Variants in GLRA1 observed in about 807,000 individuals in gnomAD.
GLRA1 encodes glycine receptor alpha 1, also known as glycine receptor subunit alpha-1.
GLRA1 carries 37 observed loss-of-function variants against 48.3 expected under a neutral mutation model. That is an observed-to-expected ratio of 0.77 (90% CI 0.59 to 1.01). The LOEUF (loss-of-function observed/expected upper bound fraction) is 1.01. GLRA1 is among the 50% of genes least tolerant of loss of function. The pLI is 0.00. For synonymous variants in GLRA1, 196 were observed against 210.7 expected (o/e 0.93, Z 0.60); for missense variants, 427 against 571.0 (o/e 0.75, Z 2.57).
At chr5:151,832,565 T>C (rs1763450840) in intron 7 of GLRA1, among the ~76,000 whole-genome samples, 1 of 152,062 alleles carries the variant, frequency 6.6e-6, no homozygotes, top group Non-Finnish European at 1.5e-5. Flanking sequence ...TGAAGATCAA[T>C]TTAGTGAAAT....
intron 7 of GLRA1, among the ~76,000 whole-genome samples, chr5:151,848,152 A>G (rs1372471532): frequency 6.6e-6 from 1 of 152,194 alleles, no homozygotes; most frequent in Non-Finnish European, 1.5e-5. Flanking sequence ...GCATCTGGGA[A>G]CTTGGATTTT....
intron 3 of GLRA1, among the ~76,000 whole-genome samples, chr5:151,867,027 A>G (rs1463753902): frequency 6.6e-6 from 1 of 152,156 alleles, no homozygotes; most frequent in Admixed American, 6.5e-5. Flanking sequence ...GGGAGGATCA[A>G]TTGAGCCCAT....
intron 7 of GLRA1, among the ~76,000 whole-genome samples, chr5:151,839,246 C>A (rs146578778): frequency 6.6e-6 from 1 of 152,126 alleles, no homozygotes; most frequent in Non-Finnish European, 1.5e-5. Flanking sequence ...TACTAAAGGA[C>A]GCCCTTTAGG....
intron 2 of GLRA1, among the ~76,000 whole-genome samples, chr5:151,889,783 G>T (rs1476457170): frequency 6.6e-6 from 1 of 152,000 alleles, no homozygotes; most frequent in African/African-American, 2.4e-5. Flanking sequence ...AGCAGGAAAG[G>T]CATCAAAGGG....
chr5:151,833,208 A>C (rs1412466123), intron 7 of GLRA1, among the ~76,000 whole-genome samples: 1 of 152,238 alleles, frequency 6.6e-6, no homozygotes, highest in African/African-American at 2.4e-5. Context: ...CCAAATTGTG[A>C]AGACCGTTGA....
rs971431687 is a variant in GLRA1 at position 151,924,743 on chromosome 5, C to T, written c.-194G>A. On this transcript the variant is annotated 5_prime_UTR_variant, in exon 1 of 9. Transcript: ENST00000274576. ...TCGTAGATACCACGGACAGCGGCGG[C>T]TGCGAGGCGTTTCAGCACCACGGAG... 10 of 654,670 alleles carry T rather than the reference C, an allele frequency of 1.5e-5. No individual in the cohort carries two copies. In the African/African-American group the frequency reaches 1.8e-4, roughly 12 times the overall value. The allele number at this position is 654,670 out of a possible 1,614,324, so 40.6% of individuals were successfully genotyped here. A position where few individuals can be genotyped will look rare whatever the true frequency, so the allele number is the denominator to read the frequency against.
chr5:151,835,218 AC>A (rs1763542166), intron 7 of GLRA1, among the ~76,000 whole-genome samples: 1 of 152,096 alleles, frequency 6.6e-6, no homozygotes, highest in Non-Finnish European at 1.5e-5. Context: ...CCCAAGACTA[AC>A]CCAGGAAGAA....
At chr5:151,836,401 A>G (rs920694568) in intron 7 of GLRA1, among the ~76,000 whole-genome samples, 2 of 152,252 alleles carry the variant, frequency 1.3e-5, no homozygotes, top group African/African-American at 4.8e-5. Context: ...TTATAGATTC[A>G]TTGCTATCAC....
chr5:151,865,702 CAAAA>C (rs2113369783), intron 3 of GLRA1, among the ~76,000 whole-genome samples: 2 of 152,070 alleles, frequency 1.3e-5, no homozygotes, highest in East Asian at 3.9e-4. Context: ...AGAAGAAAAA[CAAAA>C]TAAAATCCAT....
At chr5:151,875,515 G>A (rs1209678153) in intron 3 of GLRA1, 2 of 152,136 alleles carry the variant, frequency 1.3e-5, no homozygotes, top group Non-Finnish European at 2.9e-5. Context: ...CTGTTTTCTT[G>A]TATCTTGAGG....
At chr5:151,847,433 A>G (rs1752704021) in intron 7 of GLRA1, among the ~76,000 whole-genome samples, 1 of 152,188 alleles carries the variant, frequency 6.6e-6, no homozygotes, top group Non-Finnish European at 1.5e-5. Context: ...GTGAAACGGA[A>G]CATTATGTTT....
intron 1 of GLRA1, among the ~76,000 whole-genome samples, chr5:151,913,541 C>T (rs1754666493): frequency 6.6e-6 from 1 of 152,138 alleles, no homozygotes; most frequent in Non-Finnish European, 1.5e-5. Context: ...ATGTTAAAAC[C>T]TGGCATTTTC....
intron 3 of GLRA1, among the ~76,000 whole-genome samples, chr5:151,870,642 C>G (rs1229054288): frequency 6.7e-6 from 1 of 149,586 alleles, no homozygotes; most frequent in Non-Finnish European, 1.5e-5. Context: ...AAGGGCCGTT[C>G]AAGTAGGAGG....
chr5:151,894,736 A>G (rs781568621), intron 1 of GLRA1, among the ~76,000 whole-genome samples: 11 of 152,258 alleles, frequency 7.2e-5, no homozygotes, highest in Non-Finnish European at 1.3e-4. Context: ...ATGAATGAAT[A>G]ATGTGCTACT....
At chr5:151,848,043 G>A (rs1305076667) in intron 7 of GLRA1, among the ~76,000 whole-genome samples, 1 of 152,334 alleles carries the variant, frequency 6.6e-6, no homozygotes, top group African/African-American at 2.4e-5. Flanking sequence ...CACTAGAAAT[G>A]TAAGTATCAA....
At chr5:151,885,817 G>A (rs377691885) in intron 3 of GLRA1, among the ~76,000 whole-genome samples, 2 of 152,194 alleles carry the variant, frequency 1.3e-5, no homozygotes, top group East Asian at 3.9e-4. Context: ...AATAGGAGCA[G>A]TGACGTGGTT....
In GLRA1 at chr5:151,893,285, TTTCTTTCTTTCTTTCTTTCTTTCTTTC is replaced by T. The variant is rs1290407375; in HGVS notation, c.57-874_57-848del. 4.0e-4 allele frequency among the ~76,000 whole-genome samples: 18 copies of T among 44,974 alleles called. No individual in the cohort carries two copies. In the East Asian group the frequency reaches 4.5e-3, roughly 11 times the overall value. The allele number at this position is 44,974 out of a possible 152,430, so 29.5% of individuals were successfully genotyped here. ...GAACATGACCCTCCCTCTGCCCAACTTTCTTTCTTTCTTTCTTTCTTTCTTTCTTTCTTTCTTTCTTTCTTTCTTTCT... is the reference window on the plus strand; with the variant it reads ...GAACATGACCCTCCCTCTGCCCAACTTTTCTTTCTTTCTTTCTTTCTTTCT... On this transcript the variant is annotated intron_variant, in intron 1 of 8. Coordinates refer to ENST00000274576, the MANE Select transcript of GLRA1 (RefSeq NM_000171.4).
chr5:151,873,157 A>G (rs947567420), intron 3 of GLRA1, among the ~76,000 whole-genome samples: 2 of 149,818 alleles, frequency 1.3e-5, no homozygotes, highest in East Asian at 1.9e-4. Flanking sequence ...GCATACTGCA[A>G]GTGAACACTG....
At chr5:151,841,222 A>G (rs182216479) in intron 7 of GLRA1, among the ~76,000 whole-genome samples, 46 of 152,250 alleles carry the variant, frequency 3.0e-4, no homozygotes, top group Non-Finnish European at 5.9e-4. Flanking sequence ...ACCAAAAGAA[A>G]GTTGGAAAAC....
Sources: allele counts gnomAD v4.1 joint callset (sites outside exome capture counted in the v4.1 genomes callset), GRCh38; gene constraint gnomAD v4.1.1; transcripts MANE v1.5; gene names NCBI Gene and HGNC (gene_info 2026-07-23, HGNC 2026-07-21).